Variants in NAV2 observed in about 807,000 individuals in gnomAD.
The protein encoded by NAV2 is helicase, APC down-regulated 1.
NAV2 carries 54 observed loss-of-function variants against 223.2 expected under a neutral mutation model. The observed-to-expected ratio is 0.24, with a 90% CI of 0.19 to 0.30. NAV2 has a LOEUF of 0.30. Among genes scored for constraint, NAV2 ranks in the 10% least tolerant of loss-of-function variants. The probability of loss-of-function intolerance (pLI) is 1.00; values close to 1 mark genes in which losing one functional copy is unlikely to be tolerated. For synonymous variants in NAV2, 1,279 were observed against 1,239.3 expected, an observed-to-expected ratio of 1.03 and a Z score of -0.67; for missense variants, 2,806 against 3,147.5, an observed-to-expected ratio of 0.89 and a Z score of 2.60.
At chr11:19,673,666 G>A (rs960608822) in intron 1 of NAV2, among the ~76,000 whole-genome samples, 2 of 152,224 alleles carry the variant, frequency 1.3e-5, no homozygotes, top group African/African-American at 4.8e-5. Context: ...ATAGAGGGCT[G>A]AAATTTTGTG....
In NAV2 at chr11:19,935,862, T is replaced by TGTTTTTTTTTTTTTTTG. The variant is rs1565594630; in HGVS notation, c.2033+1585_2033+1586insGTTTTTTTTTTTTTTTG. Among the ~76,000 whole-genome samples, 4 of 112,952 alleles carry TGTTTTTTTTTTTTTTTG rather than the reference T, an allele frequency of 3.5e-5. 1 individual carries two copies. In the Admixed American group the frequency reaches 3.6e-4, roughly 10 times the overall value. The allele number at this position is 112,952 out of a possible 152,430, so 74.1% of individuals were successfully genotyped here. A position where few individuals can be genotyped will look rare whatever the true frequency, so the allele number is the denominator to read the frequency against. On this transcript the variant is annotated intron_variant, in intron 7 of 37. Coordinates refer to ENST00000349880, the MANE Select transcript of NAV2 (RefSeq NM_145117.5). ...TTTGTTTTGTTTCTGTTTTTTTTTT[T>TGTTTTTTTTTTTTTTTG]TTTTTTTTTTTTTGAGATGGAGTGT...
intron 1 of NAV2, among the ~76,000 whole-genome samples, chr11:19,656,888 G>A (rs2048143476): frequency 6.6e-6 from 1 of 152,162 alleles, no homozygotes; most frequent in Admixed American, 6.5e-5. Flanking sequence ...CTGTGTGTGA[G>A]GGGAAAAAAG....
intron 1 of NAV2, among the ~76,000 whole-genome samples, chr11:19,531,114 G>T (rs1565022020): frequency 6.6e-6 from 1 of 152,254 alleles, no homozygotes; most frequent in East Asian, 1.9e-4. Flanking sequence ...GCATAGAGTA[G>T]GTATTGAAGA....
intron 1 of NAV2, among the ~76,000 whole-genome samples, chr11:19,417,625 A>C (rs996683395): frequency 1.3e-5 from 2 of 152,224 alleles, no homozygotes; most frequent in South Asian, 4.1e-4. Context: ...AAATCATTCT[A>C]CTATAAAGAC....
chr11:19,704,154 A>G (rs551746566), intron 1 of NAV2, among the ~76,000 whole-genome samples: 1 of 152,278 alleles, frequency 6.6e-6, no homozygotes, highest in Admixed American at 6.5e-5. Flanking sequence ...CCTGTCTCAG[A>G]GCACGAACAT....
chr11:19,661,530 A>T (rs761746403), intron 1 of NAV2, among the ~76,000 whole-genome samples: 3 of 41,124 alleles, frequency 7.3e-5, no homozygotes, highest in Non-Finnish European at 2.8e-4. Flanking sequence ...AGGAAAAAAA[A>T]ATAAGTGTTT....
rs563716641 is a variant in NAV2, at chr11:19,668,062, T to C, written c.76-164422T>C. On this transcript the variant is annotated intron_variant, in intron 1 of 37. Transcript: ENST00000360655. Reference sequence around the variant, plus strand: ...CATCCCACCTATTCTCTCCCTCTATTCCCAGGTCAAGAGGACGACACTGGC... The same window carrying C: ...CATCCCACCTATTCTCTCCCTCTATCCCCAGGTCAAGAGGACGACACTGGC... Among the ~76,000 whole-genome samples, 5 of 152,004 alleles carry C rather than the reference T, an allele frequency of 3.3e-5. No homozygotes were observed. The South Asian group carries it at 1.0e-3, about 32-fold the overall frequency.
At chr11:19,378,833 C>T (rs1253808154) in intron 1 of NAV2, among the ~76,000 whole-genome samples, 1 of 152,138 alleles carries the variant, frequency 6.6e-6, no homozygotes. Flanking sequence ...AGGTCATGCA[C>T]TGGCACCCCG....
chr11:19,843,870 C>A (rs1434051210), intron 3 of NAV2, among the ~76,000 whole-genome samples: 13 of 150,882 alleles, frequency 8.6e-5, no homozygotes. Context: ...ATTGGCATTC[C>A]TTGGGCTTAC....
chr11:19,753,737 T>C (rs948609899), intron 1 of NAV2, among the ~76,000 whole-genome samples: 1 of 152,244 alleles, frequency 6.6e-6, no homozygotes. Flanking sequence ...ACCCAGCCCC[T>C]GATTATCTTC....
At chr11:20,000,465 G>A (rs888347463) in intron 11 of NAV2, among the ~76,000 whole-genome samples, 2 of 152,182 alleles carry the variant, frequency 1.3e-5, no homozygotes, top group Non-Finnish European at 2.9e-5. Context: ...AGGGCCCGGG[G>A]TACCGACCAG....
intron 3 of NAV2, among the ~76,000 whole-genome samples, chr11:19,846,383 T>G (rs1324410692): frequency 6.6e-6 from 1 of 152,126 alleles, no homozygotes; most frequent in Non-Finnish European, 1.5e-5. Flanking sequence ...TACAACAGAC[T>G]CATAGGCACA....
Position 19,632,665 on chromosome 11 carries a change from A to T in NAV2, c.76-199819A>T, listed in dbSNP as rs181599429. ...GTCTCCTGAAGCTATTATTGATGGC[A>T]GTTGTTCCTATCTCATCGGAATATG... On this transcript the variant is annotated intron_variant, in intron 1 of 37. Coordinates refer to the NAV2 transcript ENST00000360655. Among the ~76,000 whole-genome samples the T allele has an allele frequency of 2.4e-4, 36 of 152,318 alleles. No homozygotes were observed. The East Asian group carries it at 6.2e-3, about 26-fold the overall frequency.
chr11:19,859,972 T>C (rs1380672253), intron 3 of NAV2, among the ~76,000 whole-genome samples: 29 of 92,440 alleles, frequency 3.1e-4, no homozygotes, highest in East Asian at 2.3e-3. Flanking sequence ...ACCTCCCGGA[T>C]GGGGCGGCTG....
chr11:20,094,521 G>T (rs930882695), intron 29 of NAV2, among the ~76,000 whole-genome samples: 1 of 152,084 alleles, frequency 6.6e-6, no homozygotes, highest in Admixed American at 6.5e-5. Flanking sequence ...AACCACCACA[G>T]CCGGCTGGGA....
At chr11:19,424,968 G>GA (rs761901787) in intron 1 of NAV2, among the ~76,000 whole-genome samples, 33 of 152,136 alleles carry the variant, frequency 2.2e-4, no homozygotes, top group Non-Finnish European at 1.5e-4. Context: ...GATATTATGG[G>GA]AATTCATTTA....
At chr11:19,964,494 T>A (rs1162921841) in intron 10 of NAV2, among the ~76,000 whole-genome samples, 48 of 149,406 alleles carry the variant, frequency 3.2e-4, no homozygotes, top group East Asian at 8.2e-4. Flanking sequence ...TTCATCCTCT[T>A]TTTTTTTTTT....
chr11:19,898,567 T>C (rs111345055), intron 6 of NAV2, among the ~76,000 whole-genome samples: 2,618 of 152,340 alleles, frequency 0.017, 66 homozygotes, highest in African/African-American at 0.053. Context: ...TTGTATGGAT[T>C]TACCACAATA....
chr11:19,995,753 T>A (rs972094876), intron 11 of NAV2, among the ~76,000 whole-genome samples: 1 of 152,228 alleles, frequency 6.6e-6, no homozygotes, highest in African/African-American at 2.4e-5. Flanking sequence ...AAAATTATAT[T>A]CAGAGATGAC....
Sources: gnomAD v4.1 joint callset for allele counts (sites outside exome capture counted in the v4.1 genomes callset) on GRCh38, gnomAD v4.1.1 for gene constraint, MANE v1.5 for transcripts, NCBI Gene and HGNC (gene_info 2026-07-23, HGNC 2026-07-21) for gene names.